Variants in JAK1 observed in about 807,000 individuals in gnomAD.
The protein encoded by JAK1 is tyrosine-protein kinase JAK1.
A neutral mutation model predicts 136.6 loss-of-function variants in JAK1; 16 were observed. The ratio of observed to expected loss-of-function variants is 0.12; its 90% CI spans 0.08 to 0.18. The LOEUF (loss-of-function observed/expected upper bound fraction) is 0.18, where lower values mean the gene tolerates loss of function less well. JAK1 is among the 10% of genes least tolerant of loss of function. JAK1 has a pLI of 1.00. For synonymous variants in JAK1, 492 were observed against 519.5 expected (o/e 0.95, Z 0.72); for missense variants, 859 against 1,450.1 (o/e 0.59, Z 6.62).
chr1:64,834,772 A>G, intron 24 of JAK1, 115 bp from the exon 25 acceptor site: 1 of 674,204 alleles, frequency 1.5e-6, no homozygotes. Context: ...TTTTCCTTAA[A>G]GACTAGAAAA....
At chr1:64,932,806 C>T (rs980171939) in intron 1 of JAK1, among the ~76,000 whole-genome samples, 1 of 152,088 alleles carries the variant, frequency 6.6e-6, no homozygotes, top group Non-Finnish European at 1.5e-5. Context: ...CCTGCCTCTG[C>T]CTGGGACTGC....
At chr1:64,897,945 T>C (rs368390764) in intron 1 of JAK1, among the ~76,000 whole-genome samples, 42 of 152,310 alleles carry the variant, frequency 2.8e-4, no homozygotes, top group Admixed American at 1.8e-3. Flanking sequence ...ATATAGGCAC[T>C]GTACATTGAG....
At chr1:64,886,035 G>A (rs1644847566) in intron 2 of JAK1, among the ~76,000 whole-genome samples, 1 of 152,130 alleles carries the variant, frequency 6.6e-6, no homozygotes, top group Non-Finnish European at 1.5e-5. Context: ...TGAACATCTA[G>A]GAGAGATTAC....
At chr1:64,889,772 C>T (rs773867715) in intron 1 of JAK1, among the ~76,000 whole-genome samples, 15 of 152,096 alleles carry the variant, frequency 9.9e-5, no homozygotes, top group African/African-American at 2.4e-4. Flanking sequence ...CTGGTATCTG[C>T]GCAAGGGAAG....
At chr1:65,065,233 T>C (rs1197539744) in intron 1 of JAK1, among the ~76,000 whole-genome samples, 1 of 152,228 alleles carries the variant, frequency 6.6e-6, no homozygotes, top group African/African-American at 2.4e-5. Flanking sequence ...GGGTCTTCTC[T>C]GGCAACTCTG....
intron 1 of JAK1, among the ~76,000 whole-genome samples, chr1:64,896,777 T>A (rs889661030): frequency 6.6e-6 from 1 of 151,240 alleles, no homozygotes; most frequent in Non-Finnish European, 1.5e-5. Context: ...GGTCTAAGAG[T>A]GGGGCTGGTG....
At chr1:64,979,721 C>T (rs1428746181) in intron 2 of JAK1, 1 of 152,112 alleles carries the variant, frequency 6.6e-6, no homozygotes, top group Non-Finnish European at 1.5e-5. Flanking sequence ...GAGGAAAAGG[C>T]AAGACATCCA....
chr1:65,038,336 T>C (rs1174976589), intron 2 of JAK1, among the ~76,000 whole-genome samples: 3 of 151,418 alleles, frequency 2.0e-5, no homozygotes, highest in African/African-American at 7.3e-5. Context: ...GTAGCTGGGA[T>C]TACAGGCATG....
At chr1:65,054,394 G>C (rs1251389299) in intron 1 of JAK1, among the ~76,000 whole-genome samples, 1 of 151,928 alleles carries the variant, frequency 6.6e-6, no homozygotes, top group Non-Finnish European at 1.5e-5. Flanking sequence ...TGCTGCTTTA[G>C]TCTCTTATAT....
At chr1:64,919,761 T>G (rs1645463504) in intron 1 of JAK1, among the ~76,000 whole-genome samples, 1 of 152,250 alleles carries the variant, frequency 6.6e-6, no homozygotes, top group Admixed American at 6.5e-5. Context: ...CTTAGCTAGG[T>G]TGAAAACAGA....
intron 1 of JAK1, among the ~76,000 whole-genome samples, chr1:64,947,206 ATGT>A (rs148451508): frequency 0.011 from 1,748 of 152,254 alleles, 34 homozygotes; most frequent in African/African-American, 0.039. Flanking sequence ...GGTAAATTTT[ATGT>A]TGTTTATTTT....
intron 2 of JAK1, among the ~76,000 whole-genome samples, chr1:64,978,201 T>C (rs978713248): frequency 1.3e-5 from 2 of 151,966 alleles, no homozygotes; most frequent in African/African-American, 4.8e-5. Flanking sequence ...TTGCTTGAAC[T>C]CAAGAGGCAC....
chr1:65,063,094 G>A (rs1647861777), intron 1 of JAK1, among the ~76,000 whole-genome samples: 1 of 152,200 alleles, frequency 6.6e-6, no homozygotes, highest in Non-Finnish European at 1.5e-5. Context: ...TGGAGGAAAG[G>A]AGTCAGCAGC....
At chr1:64,836,277 A>G in intron 22 of JAK1, 62 bp from the exon 23 acceptor site, 1 of 913,310 alleles carries the variant, frequency 1.1e-6, no homozygotes, top group Non-Finnish European at 1.8e-6. Flanking sequence ...CCGACATTAC[A>G]GGATAACTGA....
intron 17 of JAK1, among the ~76,000 whole-genome samples, chr1:64,842,915 C>A (rs536660074): frequency 6.6e-6 from 1 of 152,254 alleles, no homozygotes; most frequent in Admixed American, 6.5e-5. Flanking sequence ...TATCTCCCAC[C>A]CTGCACTCTG....
At chr1:64,963,487 G>A (rs1171601455) in intron 1 of JAK1, among the ~76,000 whole-genome samples, 1 of 152,050 alleles carries the variant, frequency 6.6e-6, no homozygotes, top group East Asian at 1.9e-4. Flanking sequence ...CCCAAAAAAT[G>A]AATAACAAAG....
At chr1:64,892,584 C>A (rs1644955560) in intron 1 of JAK1, among the ~76,000 whole-genome samples, 1 of 152,184 alleles carries the variant, frequency 6.6e-6, no homozygotes, top group Non-Finnish European at 1.5e-5. Context: ...CTCACCCAGG[C>A]ACAATATGTG....
At chr1:64,847,761 G>C in intron 12 of JAK1, 86 bp from the exon 13 acceptor site, 1 of 1,457,606 alleles carries the variant, frequency 6.9e-7, no homozygotes, top group Non-Finnish European at 9.4e-7. Flanking sequence ...TGGGAACATG[G>C]ACTATCAATG....
upstream of JAK1, among the ~76,000 whole-genome samples, chr1:64,967,756 A>G (rs1259635229): frequency 2.0e-5 from 3 of 152,198 alleles, no homozygotes; most frequent in East Asian, 1.9e-4. Context: ...AGTTGACTCA[A>G]TTCTCAGTGG....
Sources: gnomAD v4.1 joint callset for allele counts (sites outside exome capture counted in the v4.1 genomes callset) on GRCh38, gnomAD v4.1.1 for gene constraint, MANE v1.5 for transcripts, NCBI Gene and HGNC (gene_info 2026-07-23, HGNC 2026-07-21) for gene names.